Variants in CRTC3 observed in about 807,000 individuals in gnomAD.
CRTC3 encodes the protein CREB-regulated transcription coactivator 3.
In CRTC3, 26 loss-of-function variants were observed where a neutral mutation model predicts 74.5. The ratio of observed to expected loss-of-function variants is 0.35; its 90% CI spans 0.26 to 0.48. The LOEUF is 0.48. Ranked by LOEUF, CRTC3 falls within the 20% of genes least tolerant of loss-of-function variation. The pLI, the probability that CRTC3 is intolerant of heterozygous loss-of-function variation, is 0.99. For synonymous variants in CRTC3, 377 were observed against 325.8 expected, an observed-to-expected ratio of 1.16 and a Z score of -1.69; for missense variants, 760 against 787.3, an observed-to-expected ratio of 0.97 and a Z score of 0.41.
intron 2 of CRTC3, among the ~76,000 whole-genome samples, chr15:90,562,628 C>A (rs1461827582): frequency 6.6e-6 from 1 of 152,170 alleles, no homozygotes; most frequent in Non-Finnish European, 1.5e-5. Context: ...TCTGCTTATT[C>A]ACTCCCCCGG....
chr15:90,581,180 A>G (rs1967532222), intron 2 of CRTC3, among the ~76,000 whole-genome samples: 1 of 152,180 alleles, frequency 6.6e-6, no homozygotes, highest in African/African-American at 2.4e-5. Flanking sequence ...GGCCCGGAAG[A>G]TCATTCCAAA....
chr15:90,541,504 C>T (rs1261694836), intron 2 of CRTC3, among the ~76,000 whole-genome samples: 2 of 152,020 alleles, frequency 1.3e-5, no homozygotes, highest in African/African-American at 4.8e-5. Flanking sequence ...GGACTCTTTA[C>T]CATATTACTG....
Position 90,630,938 on chromosome 15 carries a change from C to T in CRTC3, c.1266+1406C>T, listed in dbSNP as rs1272506789. Reference sequence around the variant, plus strand: ...GACTACAGGCGCCCGCCACCGTGCCCGGCTAATTTTTTGTATTTTTAGTAG... The same window carrying T: ...GACTACAGGCGCCCGCCACCGTGCCTGGCTAATTTTTTGTATTTTTAGTAG... On this transcript the variant is annotated intron_variant, in intron 11 of 14. Transcript: ENST00000268184. Among the ~76,000 whole-genome samples the T allele has an allele frequency of 7.0e-5, 4 of 57,012 alleles. 2 individuals carry two copies. Among genetic ancestry groups the T allele is most frequent in the Non-Finnish European group, 1.9e-4 (4 of 21,030 alleles). 37.4% of individuals were successfully genotyped at this position (57,012 alleles called of 152,430 possible). A position where few individuals can be genotyped will look rare whatever the true frequency, so the allele number is the denominator to read the frequency against.
At chr15:90,603,449 AAAAG>A (rs1445543635) in intron 4 of CRTC3, among the ~76,000 whole-genome samples, 4 of 152,180 alleles carry the variant, frequency 2.6e-5, no homozygotes, top group Non-Finnish European at 4.4e-5. Context: ...TCTCAAAAAA[AAAAG>A]AAAGAAAAAT....
chr15:90,539,365 A>G (rs772085941), intron 1 of CRTC3, among the ~76,000 whole-genome samples: 1 of 152,186 alleles, frequency 6.6e-6, no homozygotes, highest in African/African-American at 2.4e-5. Context: ...TACCCCAATT[A>G]ATGGTAATAT....
chr15:90,638,219 G>C, intron 11 of CRTC3: 1 of 465,606 alleles, frequency 2.1e-6, no homozygotes, highest in Non-Finnish European at 3.8e-6. Context: ...TTCTTGTTTA[G>C]TTCTTTTAAG....
At chr15:90,641,326 G>A in intron 14 of CRTC3, 127 bp downstream of exon 14, 1 of 665,042 alleles carries the variant, frequency 1.5e-6, no homozygotes, top group Non-Finnish European at 2.6e-6. Context: ...GGGTCGACTT[G>A]ACTTTTTGAG....
rs199885434 is a variant in CRTC3, at chr15:90,570,548, A to AT, written c.232-23081dup. On this transcript the variant is annotated intron_variant, in intron 2 of 14. Transcript: ENST00000268184. Reference sequence around the variant, plus strand: ...TGTTATATAACACTCCTTTATAATGATTTTTTTGGGGAAAGAATAGTAATT... The same window carrying AT: ...TGTTATATAACACTCCTTTATAATGATTTTTTTTGGGGAAAGAATAGTAATT... Among the ~76,000 whole-genome samples the AT allele has an allele frequency of 5.4e-3, 818 of 152,138 alleles. 4 individuals are homozygous for AT. The highest frequency in any genetic ancestry group is 0.019 in the African/African-American group (786 of 41,476).
chr15:90,603,712 T>G (rs1348758009), intron 4 of CRTC3, among the ~76,000 whole-genome samples: 8 of 152,132 alleles, frequency 5.3e-5, no homozygotes, highest in Non-Finnish European at 1.2e-4. Flanking sequence ...AATATTTAGC[T>G]CTCCGGATTG....
At chr15:90,549,881 T>C (rs1297468983) in intron 2 of CRTC3, among the ~76,000 whole-genome samples, 2 of 151,148 alleles carry the variant, frequency 1.3e-5, no homozygotes, top group Non-Finnish European at 2.9e-5. Context: ...TTTTTGTATT[T>C]TTAGTAGAGA....
chr15:90,548,592 G>T (rs143736320), intron 2 of CRTC3, among the ~76,000 whole-genome samples: 158 of 152,166 alleles, frequency 1.0e-3, no homozygotes, highest in Middle Eastern at 3.4e-3. Flanking sequence ...GAAAAAAAAA[G>T]ATTGGCAAAA....
chr15:90,632,564 G>C (rs1969077899), intron 11 of CRTC3, among the ~76,000 whole-genome samples: 1 of 152,192 alleles, frequency 6.6e-6, no homozygotes, highest in Non-Finnish European at 1.5e-5. Context: ...TCACTGCCTA[G>C]AGATGGCTGT....
chr15:90,539,413 T>C (rs1327990913), intron 1 of CRTC3, among the ~76,000 whole-genome samples: 1 of 33,630 alleles, frequency 3.0e-5, no homozygotes, highest in Non-Finnish European at 7.7e-5. Context: ...ACTTTTCTCA[T>C]ATGTATATTA....
At chr15:90,611,036 C>CA (rs1196068379) in intron 6 of CRTC3, among the ~76,000 whole-genome samples, 4 of 152,106 alleles carry the variant, frequency 2.6e-5, no homozygotes, top group Admixed American at 2.6e-4. Flanking sequence ...AGAAGGTTTA[C>CA]AATGCAAAGA....
At chr15:90,571,928 G>A (rs1195378539) in intron 2 of CRTC3, among the ~76,000 whole-genome samples, 4 of 152,106 alleles carry the variant, frequency 2.6e-5, no homozygotes, top group Admixed American at 6.6e-5. Flanking sequence ...TTGGGAGGCC[G>A]AGGCAGGTGG....
At chr15:90,602,435 A>G (rs1158316868) in intron 4 of CRTC3, 50 bp downstream of exon 4, 8 of 991,144 alleles carry the variant, frequency 8.1e-6, no homozygotes, top group African/African-American at 1.6e-5. Flanking sequence ...TTATTTTTAG[A>G]TAATTTCACT....
intron 2 of CRTC3, among the ~76,000 whole-genome samples, chr15:90,573,456 AT>A (rs1157924289): frequency 2.6e-5 from 4 of 152,114 alleles, no homozygotes; most frequent in Non-Finnish European, 5.9e-5. Flanking sequence ...TCATGCCAAG[AT>A]TTCTTAAACA....
intron 2 of CRTC3, among the ~76,000 whole-genome samples, chr15:90,583,889 G>A (rs1208328190): frequency 2.0e-5 from 3 of 151,958 alleles, no homozygotes; most frequent in Non-Finnish European, 4.4e-5. Context: ...ATTTAACCAA[G>A]TATGACATCC....
chr15:90,631,139 G>C (rs577521073), intron 11 of CRTC3, among the ~76,000 whole-genome samples: 25 of 152,280 alleles, frequency 1.6e-4, no homozygotes, highest in African/African-American at 5.1e-4. Context: ...AGGAAGAGTT[G>C]ACAGAACACA....
Sources: allele counts gnomAD v4.1 joint callset (sites outside exome capture counted in the v4.1 genomes callset), GRCh38; gene constraint gnomAD v4.1.1; transcripts MANE v1.5; gene names NCBI Gene and HGNC (gene_info 2026-07-23, HGNC 2026-07-21).